Variants in RTF2 observed in about 807,000 individuals in gnomAD.
RTF2 encodes UPF0549 protein C20orf43.
In RTF2, 18 loss-of-function variants were observed where a neutral mutation model predicts 38.0. That is an observed-to-expected ratio of 0.47 (90% CI 0.33 to 0.70). RTF2 has a LOEUF of 0.70. Among genes scored for constraint, RTF2 ranks in the 30% least tolerant of loss-of-function variants. RTF2 has a pLI of 0.02. For missense variants in RTF2, 311 were observed against 379.6 expected (o/e 0.82, Z 1.50); for synonymous variants, 126 against 137.1 (o/e 0.92, Z 0.57).
chr20:56,485,765 T>C (rs1368440332), intron 5 of RTF2, among the ~76,000 whole-genome samples: 1 of 152,250 alleles, frequency 6.6e-6, no homozygotes, highest in Non-Finnish European at 1.5e-5. Flanking sequence ...CGTATTAAGA[T>C]GATGGCATAG....
intron 5 of RTF2, among the ~76,000 whole-genome samples, chr20:56,502,262 A>G (rs1983970992): frequency 1.3e-5 from 2 of 152,224 alleles, no homozygotes; most frequent in Non-Finnish European, 2.9e-5. Flanking sequence ...TCAGAGTGGA[A>G]TTATTTTACA....
At chr20:56,515,455 C>T (rs1984962897) in intron 6 of RTF2, among the ~76,000 whole-genome samples, 2 of 151,980 alleles carry the variant, frequency 1.3e-5, no homozygotes, top group Admixed American at 1.3e-4. Context: ...GCCAGTAATC[C>T]CATGTACTCC....
intron 4 of RTF2, among the ~76,000 whole-genome samples, chr20:56,477,551 C>T (rs918191134): frequency 2.0e-5 from 3 of 148,230 alleles, no homozygotes; most frequent in Non-Finnish European, 4.4e-5. Context: ...TTATTTTTAT[C>T]CTTTTTTTTT....
At chr20:56,501,243 T>G (rs1983910692) in intron 5 of RTF2, among the ~76,000 whole-genome samples, 1 of 152,124 alleles carries the variant, frequency 6.6e-6, no homozygotes, top group Non-Finnish European at 1.5e-5. Context: ...AACATTATTT[T>G]CAGTTTTGCA....
chr20:56,505,709 G>A (rs187795511), intron 5 of RTF2, among the ~76,000 whole-genome samples: 151 of 152,100 alleles, frequency 9.9e-4, no homozygotes, highest in Middle Eastern at 3.4e-3. Flanking sequence ...CACATTAAAC[G>A]TTACACTTCC....
At position 56,497,337 on chromosome 20, in the gene RTF2, A is replaced by G. The variant is rs781777035; in HGVS notation, c.477+13148A>G. On this transcript the variant is annotated intron_variant, in intron 5 of 8. Coordinates refer to ENST00000357348, the MANE Select transcript of RTF2 (RefSeq NM_016407.5). ...GGTTATGAAATGCAGCCCCCGAGAA[A>G]TCCTGGAGCAGTTTCCTGGTGTGTG... 6 of 1,550,442 alleles carry G rather than the reference A, an allele frequency of 3.9e-6. No homozygotes were observed. In the South Asian group the frequency reaches 7.2e-5, roughly 19 times the overall value.
intron 6 of RTF2, 104 bp from the exon 7 acceptor site, chr20:56,516,831 G>T (rs1435740977): frequency 1.1e-6 from 1 of 945,660 alleles, no homozygotes; most frequent in Admixed American, 1.9e-5. Flanking sequence ...CATGTGACTA[G>T]CATCGGTCAG....
intron 5 of RTF2, among the ~76,000 whole-genome samples, chr20:56,485,373 G>A (rs1982739409): frequency 6.6e-6 from 1 of 152,202 alleles, no homozygotes; most frequent in African/African-American, 2.4e-5. Flanking sequence ...GGTGAGGGGA[G>A]TAGATGAGAT....
chr20:56,499,194 C>CTTTTTTTTTTT (rs774875921), intron 5 of RTF2, among the ~76,000 whole-genome samples: 6 of 133,038 alleles, frequency 4.5e-5, no homozygotes, highest in Non-Finnish European at 8.0e-5. Context: ...TAATACTTAT[C>CTTTTTTTTTTT]TTTTTTTTTT....
intron 5 of RTF2, among the ~76,000 whole-genome samples, chr20:56,490,190 G>A (rs192441971): frequency 4.6e-5 from 7 of 152,280 alleles, no homozygotes; most frequent in East Asian, 3.9e-4. Flanking sequence ...ATTTCTATGC[G>A]TGGGAAGCTT....
At chr20:56,505,562 A>C (rs1475693929) in intron 5 of RTF2, among the ~76,000 whole-genome samples, 1 of 151,688 alleles carries the variant, frequency 6.6e-6, no homozygotes, top group South Asian at 2.1e-4. Context: ...ATCTGCTCAC[A>C]CTGGCCCATT....
At position 56,513,342 on chromosome 20, in the gene RTF2, G is replaced by A; in HGVS notation, c.505G>A (p.Val169Ile). 2 of 1,606,306 alleles carry A rather than the reference G, an allele frequency of 1.2e-6. No homozygotes were observed. Among genetic ancestry groups the A allele is most frequent in the Non-Finnish European group, 1.7e-6 (2 of 1,176,842 alleles). The change falls in exon 6 of 9, where the codon GTC (valine) becomes ATC (isoleucine). Residue 169 changes from valine to isoleucine, a missense_variant. Transcript: ENST00000357348. The stretch of plus-strand genomic sequence containing the variant: ...TGGGGCTGCCTTCCAGGAGGATGAT[G>A]TCATCATGCTCAATGGCACCAAGGA... ...TCGAAFQEDD[V>I]IMLNGTKEDV...
chr20:56,496,822 T>A, intron 5 of RTF2: 1 of 1,551,852 alleles, frequency 6.4e-7, no homozygotes. Context: ...TTGAATCTGT[T>A]ATTTGGAGGT....
intron 5 of RTF2, among the ~76,000 whole-genome samples, chr20:56,489,655 A>T (rs1224125154): frequency 6.6e-6 from 1 of 152,232 alleles, no homozygotes; most frequent in Non-Finnish European, 1.5e-5. Context: ...ATGTCCTCCT[A>T]ACGGTGCTGG....
chr20:56,498,262 A>T (rs1310368924), intron 5 of RTF2, among the ~76,000 whole-genome samples: 1 of 152,218 alleles, frequency 6.6e-6, no homozygotes, highest in African/African-American at 2.4e-5. Flanking sequence ...ATGATTATAC[A>T]CTTAAACCTG....
At chr20:56,470,813 C>T (rs1036584620) in intron 1 of RTF2, 5 of 384,216 alleles carry the variant, frequency 1.3e-5, no homozygotes, top group Non-Finnish European at 2.1e-5. Context: ...TTGCCGACAA[C>T]ATCCACATGC....
At chr20:56,484,047 C>G (rs1275526164) in intron 4 of RTF2, 64 bp from the exon 5 acceptor site, 2 of 1,399,800 alleles carry the variant, frequency 1.4e-6, no homozygotes, top group African/African-American at 1.4e-5. Flanking sequence ...TTTGTATCAA[C>G]CGAATAAATG....
chr20:56,481,593 G>A (rs1384738308), intron 4 of RTF2, among the ~76,000 whole-genome samples: 2 of 152,010 alleles, frequency 1.3e-5, no homozygotes, highest in Non-Finnish European at 2.9e-5. Flanking sequence ...ATATGTGTGT[G>A]TATGTGTGTG....
chr20:56,490,399 C>T (rs1323745176), intron 5 of RTF2, among the ~76,000 whole-genome samples: 2 of 152,208 alleles, frequency 1.3e-5, no homozygotes, highest in African/African-American at 2.4e-5. Flanking sequence ...GCAGCGGCAG[C>T]AGCAAAGTCG....
Sources: allele counts gnomAD v4.1 joint callset (sites outside exome capture counted in the v4.1 genomes callset), GRCh38; gene constraint gnomAD v4.1.1; transcripts MANE v1.5; gene names NCBI Gene and HGNC (gene_info 2026-07-23, HGNC 2026-07-21).